The following TXLNB variants were observed in gnomAD, a reference collection of about 807,000 sequenced individuals.
The protein encoded by TXLNB is beta-taxilin.
In TXLNB, 37 loss-of-function variants were observed where a neutral mutation model predicts 57.4. The observed-to-expected ratio is 0.64, with a 90% CI of 0.50 to 0.85. TXLNB has a LOEUF of 0.85. Among genes scored for constraint, TXLNB ranks in the 40% least tolerant of loss-of-function variants. TXLNB has a pLI of 0.00. For synonymous variants in TXLNB, 302 were observed against 309.6 expected, an observed-to-expected ratio of 0.98 and a Z score of 0.26; for missense variants, 848 against 825.6, an observed-to-expected ratio of 1.03 and a Z score of -0.33.
At chr6:139,205,669 A>G in the TXLNB span, among the ~76,000 whole-genome samples, 1 of 152,194 alleles carries the variant, frequency 6.6e-6, no homozygotes, top group Non-Finnish European at 1.5e-5. Flanking sequence ...AAAGTCTCCA[A>G]GAAATATGGG....
chr6:139,262,751 C>G lies in TXLNB; in HGVS notation c.710G>C (p.Arg237Pro), dbSNP rs1355428165. 5.0e-6 allele frequency: 8 copies of G among 1,613,680 alleles called. No homozygotes were observed. Among genetic ancestry groups the G allele is most frequent in the Non-Finnish European group, 6.8e-6 (8 of 1,179,858 alleles). Residue 237 changes from arginine (R) to proline (P), a missense_variant, in exon 5 of 10, where the codon CGT (arginine) becomes CCT (proline). Transcript: ENST00000358430. ...TLKEEALQRAREEEEKRKEIT... is the reference protein window; with the variant it reads ...TLKEEALQRAPEEEEKRKEIT... The stretch of plus-strand genomic sequence containing the variant: ...TTCCTTCCTTTTCTCTTCTTCCTCA[C>G]GTGCCCGCTGAAGCGCCTCTTCCTG...
At chr6:139,297,174 A>G in the TXLNB span, among the ~76,000 whole-genome samples, 4 of 152,100 alleles carry the variant, frequency 2.6e-5, no homozygotes, top group African/African-American at 9.7e-5. Context: ...TATGGATTCA[A>G]TTCTTCTGGC....
the TXLNB span, among the ~76,000 whole-genome samples, chr6:139,224,057 CAAT>C: frequency 4.0e-4 from 58 of 146,332 alleles, 1 homozygote; most frequent in South Asian, 0.013. Flanking sequence ...AAATGTCCAA[CAAT>C]GATAGACTGG....
At chr6:139,188,159 T>C in the TXLNB span, among the ~76,000 whole-genome samples, 2 of 152,146 alleles carry the variant, frequency 1.3e-5, no homozygotes, top group Non-Finnish European at 2.9e-5. Context: ...AGTGGAGGAA[T>C]TGCAGATCCT....
At chr6:139,227,838 C>A in the TXLNB span, among the ~76,000 whole-genome samples, 2 of 152,164 alleles carry the variant, frequency 1.3e-5, no homozygotes, top group African/African-American at 2.4e-5. Flanking sequence ...CTTACACACA[C>A]AAATGCACAC....
the TXLNB span, among the ~76,000 whole-genome samples, chr6:139,199,106 C>T: frequency 6.6e-6 from 1 of 151,920 alleles, no homozygotes; most frequent in South Asian, 2.1e-4. Context: ...CTGGTGTAGC[C>T]TACAGGGCCC....
chr6:139,286,485 G>C lies in TXLNB; in HGVS notation c.424+1991C>G, dbSNP rs1053100285. 2.6e-5 allele frequency among the ~76,000 whole-genome samples: 4 copies of C among 151,770 alleles called. 1 individual carries two copies. The highest frequency in any genetic ancestry group is 9.7e-5 in the African/African-American group (4 of 41,250). ...AAATCAAGCTAAAACAGATGAAACA[G>C]ACTATCTGGGAGAGTGACCGGACCG... On this transcript the variant is annotated intron_variant, in intron 2 of 9. Transcript: ENST00000358430.
Position 139,243,060 on chromosome 6 carries a change from G to A in TXLNB, c.1521C>T (p.Phe507=), listed in dbSNP as rs1239972265. 1 of 1,614,188 alleles carries A rather than the reference G, an allele frequency of 6.2e-7. No individual in the cohort carries two copies. Among genetic ancestry groups the A allele is most frequent in the East Asian group, 2.2e-5 (1 of 44,884 alleles). The change falls in exon 10 of 10, where the codon TTC becomes TTT. Residue 507 remains phenylalanine (F), a synonymous_variant. Transcript: ENST00000358430. ...TTGACTCTGGATGATGAATTATCAT[G>A]AAGGCTGTGGCCAGATTTTTCACGG... ...QTAVKNLATA[F]MIIHHPESTP... is the part of the protein sequence containing the mutation.
At chr6:139,179,056 AG>A in the TXLNB span, 4 of 152,210 alleles carry the variant, frequency 2.6e-5, no homozygotes, top group Admixed American at 1.3e-4. Flanking sequence ...AATGCCTATA[AG>A]AAGTAGAAAG....
chr6:139,307,451 A>G, the TXLNB span, among the ~76,000 whole-genome samples: 1 of 152,176 alleles, frequency 6.6e-6, no homozygotes, highest in African/African-American at 2.4e-5. Flanking sequence ...AGCTTCCCAA[A>G]GTGCTGGGAT....
At position 139,255,545 on chromosome 6, in the gene TXLNB, C is replaced by T. The variant is rs777521287; in HGVS notation, c.1077+19G>A. ...GACAGTGAGGACAGCACCCCCATGC[C>T]TCGTCCACCTGGCCTCACCTGAGCC... On this transcript the variant is annotated intron_variant, in intron 7 of 9. Transcript: ENST00000358430. 9.3e-6 allele frequency: 15 copies of T among 1,611,988 alleles called. No individual in the cohort carries two copies. In the Admixed American group the frequency reaches 2.5e-4, roughly 27 times the overall value.
the TXLNB span, among the ~76,000 whole-genome samples, chr6:139,195,529 C>G: frequency 7.9e-5 from 12 of 152,136 alleles, no homozygotes; most frequent in Non-Finnish European, 1.5e-4. Flanking sequence ...TGAATAGGTT[C>G]AAGAGATACC....
At chr6:139,189,882 C>G in the TXLNB span, among the ~76,000 whole-genome samples, 1 of 152,206 alleles carries the variant, frequency 6.6e-6, no homozygotes, top group African/African-American at 2.4e-5. Flanking sequence ...GTAAATGTCA[C>G]TCCAAGTAGG....
the TXLNB span, among the ~76,000 whole-genome samples, chr6:139,319,388 CTG>C: frequency 6.6e-6 from 1 of 151,554 alleles, no homozygotes; most frequent in Non-Finnish European, 1.5e-5. Context: ...GTGTGAGCCA[CTG>C]CACCCATCCT....
At chr6:139,319,261 ATTT>A in the TXLNB span, among the ~76,000 whole-genome samples, 3 of 130,170 alleles carry the variant, frequency 2.3e-5, no homozygotes. Context: ...TCCCTTTAAA[ATTT>A]TTTTTTTTTT....
At position 139,288,901 on chromosome 6, in the gene TXLNB, T is replaced by G; in HGVS notation, c.-2A>C. 3 of 1,610,320 alleles carry G rather than the reference T, an allele frequency of 1.9e-6. No homozygotes were observed. The highest frequency in any genetic ancestry group is 2.5e-6 in the Non-Finnish European group (3 of 1,177,438). ...CTGTTCAGAGTGATTAGCCTCCATC[T>G]TGGGAGTAGTATCTAGTGGTAAGCA... On this transcript the variant is annotated 5_prime_UTR_variant, in exon 2 of 10. Transcript: ENST00000358430.
At chr6:139,212,648 T>C in the TXLNB span, among the ~76,000 whole-genome samples, 2 of 152,126 alleles carry the variant, frequency 1.3e-5, no homozygotes, top group Non-Finnish European at 1.5e-5. Context: ...TAAATGTAAA[T>C]GGGCTAAATG....
chr6:139,187,528 T>TA, the TXLNB span, among the ~76,000 whole-genome samples: 48 of 151,858 alleles, frequency 3.2e-4, no homozygotes, highest in African/African-American at 1.1e-3. Flanking sequence ...ATTTTTTTTT[T>TA]ATAATTATAT....
chr6:139,236,767 G>A (rs1230603339), downstream of TXLNB, among the ~76,000 whole-genome samples: 1 of 152,088 alleles, frequency 6.6e-6, no homozygotes, highest in Non-Finnish European at 1.5e-5. Context: ...ACCACACCTG[G>A]CTAATTTTGT....
Sources: allele counts gnomAD v4.1 joint callset (sites outside exome capture counted in the v4.1 genomes callset), GRCh38; gene constraint gnomAD v4.1.1; transcripts MANE v1.5; gene names NCBI Gene and HGNC (gene_info 2026-07-23, HGNC 2026-07-21).